Variants in CR1 observed in about 807,000 individuals in gnomAD.
The protein encoded by CR1 is complement receptor type 1.
Under a neutral mutation model 187.3 loss-of-function variants are expected in CR1, and 116 were observed. That is an observed-to-expected ratio of 0.62 (90% CI 0.53 to 0.72). CR1 has a LOEUF of 0.72. Among genes scored for constraint, CR1 ranks in the 30% least tolerant of loss-of-function variants. CR1 has a pLI of 0.00. For synonymous variants in CR1, 576 were observed against 747.1 expected (o/e 0.77, Z 3.73); for missense variants, 1,731 against 2,110.7 (o/e 0.82, Z 3.52).
intron 1 of CR1, among the ~76,000 whole-genome samples, chr1:207,502,223 A>T (rs1659292586): frequency 6.6e-6 from 1 of 152,250 alleles, no homozygotes; most frequent in Admixed American, 6.5e-5. Flanking sequence ...TATTGAGAGA[A>T]ATAGATACTT....
chr1:207,509,197 C>T (rs1015703518), intron 3 of CR1, among the ~76,000 whole-genome samples: 6 of 152,186 alleles, frequency 3.9e-5, no homozygotes, highest in African/African-American at 9.7e-5. Context: ...TGTCCCTCTT[C>T]GGGGCCCTGG....
chr1:207,606,222 A>G (rs1313538412), intron 35 of CR1, among the ~76,000 whole-genome samples: 2 of 152,214 alleles, frequency 1.3e-5, no homozygotes, highest in Admixed American at 1.3e-4. Context: ...GGGAAGGCCA[A>G]TTCCTTTAAA....
rs145825758 is a variant in CR1 at position 207,584,593 on chromosome 1, C to T, written c.5303-56C>T. ...CACAGTATGACAACTGTAGAATCACCTTGGATTATACTTTAAAATTTTTTA... is the reference window on the plus strand; with the variant it reads ...CACAGTATGACAACTGTAGAATCACTTTGGATTATACTTTAAAATTTTTTA... On this transcript the variant is annotated intron_variant, in intron 32 of 46. Transcript: ENST00000367049. 4.3e-4 allele frequency: 673 copies of T among 1,576,608 alleles called. 5 individuals carry two copies. In the African/African-American group the frequency reaches 8.0e-3, roughly 19 times the overall value.
At chr1:207,626,941 G>A (rs1284877628) in intron 45 of CR1, among the ~76,000 whole-genome samples, 1 of 152,168 alleles carries the variant, frequency 6.6e-6, no homozygotes, top group African/African-American at 2.4e-5. Flanking sequence ...AGGAGGCTGA[G>A]GCAGGAGAAT....
intron 4 of CR1, among the ~76,000 whole-genome samples, chr1:207,519,710 G>C (rs112771478): frequency 0.02 from 3,005 of 152,294 alleles, 47 homozygotes; most frequent in Non-Finnish European, 0.027. Context: ...GCAGCCTCCC[G>C]AGCCAAAGTA....
intron 35 of CR1, among the ~76,000 whole-genome samples, chr1:207,603,699 A>G (rs1277138888): frequency 6.6e-6 from 1 of 152,146 alleles, no homozygotes; most frequent in African/African-American, 2.4e-5. Context: ...TAATTATTAT[A>G]TATTACTCTA....
chr1:207,622,118 T>C, intron 44 of CR1, 122 bp downstream of exon 44: 1 of 648,334 alleles, frequency 1.5e-6, no homozygotes, highest in Non-Finnish European at 2.4e-6. Flanking sequence ...GATCAAAATA[T>C]CTTCAGTTGT....
In CR1 at chr1:207,617,505, A is replaced by ATGTG. The variant is rs1372885484; in HGVS notation, c.6890-565_6890-564insGTGT. Among the ~76,000 whole-genome samples, 257 of 40,838 alleles carry ATGTG rather than the reference A, an allele frequency of 6.3e-3. 37 individuals carry two copies. The highest frequency in any genetic ancestry group is 0.033 in the Admixed American group (107 of 3,200). The allele number at this position is 40,838 out of a possible 152,430, so 26.8% of individuals were successfully genotyped here. On this transcript the variant is annotated intron_variant, in intron 41 of 46. Coordinates refer to ENST00000367049, the MANE Select transcript of CR1 (RefSeq NM_000651.6). ...AAAGTATATATATATATATATATATATATGTGTGTGTGTGTGTGTGTGTGT... is the reference window on the plus strand; with the variant it reads ...AAAGTATATATATATATATATATATATGTGTATGTGTGTGTGTGTGTGTGTGTGT...
rs1325827177 is a variant in CR1 at position 207,620,060 on chromosome 1, C to A, written c.7247C>A (p.Thr2416Asn). ...TGGGACCCTCCTCTGGCCAAATGTA[C>A]CTCTCGTAAGTGCAAGTGCAAGGAA... Reference protein sequence around the residue: ...DRWDPPLAKCTSRTHDALIVG... With the variant: ...DRWDPPLAKCNSRTHDALIVG... Residue 2416 changes from threonine (T) to asparagine (N), a missense_variant, in exon 43 of 47, where the codon ACC becomes AAC. This residue lies in a region of CR1 where 1,312 missense variants were observed against 1,379.6 expected (regional missense o/e 0.95). Coordinates refer to ENST00000367049, the MANE Select transcript of CR1 (RefSeq NM_000651.6). 5 of 1,608,706 alleles carry A rather than the reference C, an allele frequency of 3.1e-6. No homozygotes were observed. The highest frequency in any genetic ancestry group is 4.2e-6 in the Non-Finnish European group (5 of 1,178,608).
At chr1:207,517,034 G>C (rs1659828835) in intron 4 of CR1, among the ~76,000 whole-genome samples, 1 of 152,096 alleles carries the variant, frequency 6.6e-6, no homozygotes, top group South Asian at 2.1e-4. Flanking sequence ...GATGTATGCT[G>C]TAGATTTTTG....
At chr1:207,609,248 A>C (rs750508850) in intron 36 of CR1, 42 bp from the exon 37 acceptor site, 4 of 1,474,590 alleles carry the variant, frequency 2.7e-6, no homozygotes, top group Non-Finnish European at 2.7e-6. Context: ...ATAATTCATT[A>C]TTAAAAAATA....
At chr1:207,612,403 A>T (rs981251362) in intron 39 of CR1, among the ~76,000 whole-genome samples, 1 of 152,254 alleles carries the variant, frequency 6.6e-6, no homozygotes, top group African/African-American at 2.4e-5. Flanking sequence ...TTTGCCCCAT[A>T]AGAAGTAAGG....
rs1662971946 is a variant in CR1 at position 207,641,140 on chromosome 1, T to A, written c.*1731T>A. On this transcript the variant is annotated 3_prime_UTR_variant, in exon 47 of 47. Coordinates refer to ENST00000367049, the MANE Select transcript of CR1 (RefSeq NM_000651.6). Reference sequence around the variant, plus strand: ...ATACTTGATAGGACTTTTGCTTAGTTGAATCTTTAGCAAATCTCTTTTATT... The same window carrying A: ...ATACTTGATAGGACTTTTGCTTAGTAGAATCTTTAGCAAATCTCTTTTATT... 6.6e-6 allele frequency: 1 copy of A among 152,214 alleles called. No homozygotes were observed. The highest frequency in any genetic ancestry group is 2.4e-5 in the African/African-American group (1 of 41,450). The allele number at this position is 152,214 out of a possible 1,614,324, so 9.4% of individuals were successfully genotyped here. A position where few individuals can be genotyped will look rare whatever the true frequency, so the allele number is the denominator to read the frequency against.
intron 45 of CR1, among the ~76,000 whole-genome samples, chr1:207,624,794 T>G (rs1662429786): frequency 6.6e-6 from 1 of 152,192 alleles, no homozygotes; most frequent in Non-Finnish European, 1.5e-5. Flanking sequence ...AGTTTCTCAT[T>G]AAGTACCATA....
Position 207,637,137 on chromosome 1 carries a change from T to C in CR1, c.7458-2260T>C, listed in dbSNP as rs560227962. Among the ~76,000 whole-genome samples the C allele has an allele frequency of 2.0e-5, 3 of 152,346 alleles. No individual in the cohort carries two copies. The South Asian group carries it at 6.2e-4, about 32-fold the overall frequency. On this transcript the variant is annotated intron_variant, in intron 46 of 46. Coordinates refer to ENST00000367049, the MANE Select transcript of CR1 (RefSeq NM_000651.6). ...GGATGTTCAGGACCAGAAACAGGACTTATTATTTTTGGTCTTGGGGTAGAG... is the reference window on the plus strand; with the variant it reads ...GGATGTTCAGGACCAGAAACAGGACCTATTATTTTTGGTCTTGGGGTAGAG...
rs1229566046 is a variant in CR1 at position 207,575,631 on chromosome 1, C to T, written c.4488C>T (p.Ile1496=). 5.0e-6 allele frequency: 8 copies of T among 1,611,694 alleles called. No homozygotes were observed. In the East Asian group the frequency reaches 1.6e-4, roughly 31 times the overall value. The change falls in exon 28 of 47, where the codon ATC becomes ATT. Residue 1496 remains isoleucine, a synonymous_variant. Transcript: ENST00000367049. Reference sequence around the variant, plus strand: ...TTGGTCACTCATCTGCTGAATGTATCCTCTCAGGCAATACTGCCCATTGGA... The same window carrying T: ...TTGGTCACTCATCTGCTGAATGTATTCTCTCAGGCAATACTGCCCATTGGA... ...RLIGHSSAEC[I]LSGNTAHWST...
At chr1:207,521,322 C>T (rs1287440700) in intron 4 of CR1, among the ~76,000 whole-genome samples, 2 of 152,096 alleles carry the variant, frequency 1.3e-5, no homozygotes, top group African/African-American at 4.8e-5. Context: ...TTGCATCAGT[C>T]TTGGAAAATT....
chr1:207,601,541 A>C (rs1287606940), intron 35 of CR1, among the ~76,000 whole-genome samples: 1 of 152,148 alleles, frequency 6.6e-6, no homozygotes. Context: ...TCAGCAATGC[A>C]CAAATGTTCC....
chr1:207,595,377 T>C (rs1661399750), intron 35 of CR1, among the ~76,000 whole-genome samples: 1 of 152,008 alleles, frequency 6.6e-6, no homozygotes, highest in Non-Finnish European at 1.5e-5. Context: ...ACTAAGTTGA[T>C]CCTTGAAGGC....
Sources: gnomAD v4.1 joint callset for allele counts (sites outside exome capture counted in the v4.1 genomes callset) on GRCh38, gnomAD v4.1.1 for gene constraint, gnomAD v4.1.1 regional missense constraint, MANE v1.5 for transcripts, NCBI Gene and HGNC (gene_info 2026-07-23, HGNC 2026-07-21) for gene names.